The following MAP3K14 variants were observed in gnomAD, a reference collection of about 807,000 sequenced individuals.
MAP3K14 encodes mitogen-activated protein kinase kinase kinase 14.
In MAP3K14, 16 loss-of-function variants were observed where a neutral mutation model predicts 99.2. The ratio of observed to expected loss-of-function variants is 0.16; its 90% CI spans 0.11 to 0.24. The LOEUF is 0.24. Among genes scored for constraint, MAP3K14 ranks in the 10% least tolerant of loss-of-function variants. The pLI, the probability that MAP3K14 is intolerant of heterozygous loss-of-function variation, is 1.00. For missense variants in MAP3K14, 784 were observed against 1,208.7 expected (o/e 0.65, Z 5.21); for synonymous variants, 462 against 492.4 (o/e 0.94, Z 0.82).
Position 45,271,028 on chromosome 17 carries a change from C to T in MAP3K14, c.1821+30G>A, listed in dbSNP as rs529025769. The T allele has an allele frequency of 7.5e-6, 12 of 1,604,892 alleles. No homozygotes were observed. The African/African-American group carries it at 1.3e-4, about 18-fold the overall frequency. On this transcript the variant is annotated intron_variant, in intron 10 of 15. Transcript: ENST00000344686. Reference sequence around the variant, plus strand: ...GGGCCCCAGGGCCCTGCAGCTCCCCCTGTTGGCCATGCTGGGTGCCGTCAC... The same window carrying T: ...GGGCCCCAGGGCCCTGCAGCTCCCCTTGTTGGCCATGCTGGGTGCCGTCAC...
chr17:45,303,520 C>T (rs2044406678), intron 1 of MAP3K14, among the ~76,000 whole-genome samples: 1 of 152,128 alleles, frequency 6.6e-6, no homozygotes, highest in Non-Finnish European at 1.5e-5. Flanking sequence ...GAGATTGCAC[C>T]ACTGCACCCC....
intron 13 of MAP3K14, 149 bp downstream of exon 13, chr17:45,266,943 A>C (rs2044091059): frequency 2.9e-6 from 2 of 695,630 alleles, no homozygotes; most frequent in Non-Finnish European, 4.8e-6. Flanking sequence ...GACCCCCACC[A>C]GAAGGAAGGG....
chr17:45,283,708 T>A (rs1055566893), intron 6 of MAP3K14, among the ~76,000 whole-genome samples: 4 of 152,218 alleles, frequency 2.6e-5, no homozygotes, highest in Admixed American at 6.5e-5. Flanking sequence ...GGTTTTCAGA[T>A]TGCGGATGCT....
chr17:45,270,585 G>A, intron 10 of MAP3K14, 22 bp from the exon 11 acceptor site: 1 of 1,530,520 alleles, frequency 6.5e-7, no homozygotes, highest in Non-Finnish European at 8.8e-7. Flanking sequence ...AAGACAACAG[G>A]TGAGGCCTGC....
At chr17:45,309,788 T>C (rs1010609319) in intron 1 of MAP3K14, among the ~76,000 whole-genome samples, 2 of 152,176 alleles carry the variant, frequency 1.3e-5, no homozygotes, top group African/African-American at 4.8e-5. Context: ...CAATTACTTC[T>C]AATTGCTTGA....
chr17:45,275,500 AAAAAC>A, intron 6 of MAP3K14, among the ~76,000 whole-genome samples: 1 of 148,428 alleles, frequency 6.7e-6, no homozygotes, highest in South Asian at 2.1e-4. Context: ...AAAAACAAAA[AAAAAC>A]CCACAAAAAA....
At chr17:45,316,459 T>C (rs1325735517) in intron 1 of MAP3K14, among the ~76,000 whole-genome samples, 1 of 152,250 alleles carries the variant, frequency 6.6e-6, no homozygotes, top group Non-Finnish European at 1.5e-5. Context: ...CCCCGCTGCA[T>C]GCTGAGGACA....
At chr17:45,265,317 C>T in intron 14 of MAP3K14, 54 bp from the exon 15 acceptor site, 1 of 1,234,640 alleles carries the variant, frequency 8.1e-7, no homozygotes, top group Non-Finnish European at 1.2e-6. Flanking sequence ...TCCCCAAGGA[C>T]CAGGGTCCTG....
At chr17:45,294,559 G>A (rs1199332844) in intron 1 of MAP3K14, among the ~76,000 whole-genome samples, 2 of 152,222 alleles carry the variant, frequency 1.3e-5, no homozygotes, top group African/African-American at 4.8e-5. Context: ...GAAAATCAGG[G>A]CCGGGCTAAA....
chr17:45,284,564 G>C (rs1206443108), intron 6 of MAP3K14, among the ~76,000 whole-genome samples: 2 of 152,188 alleles, frequency 1.3e-5, no homozygotes, highest in African/African-American at 2.4e-5. Context: ...TTGAGACACC[G>C]AGGCCACGTG....
chr17:45,281,342 T>C (rs2044221477), intron 6 of MAP3K14, among the ~76,000 whole-genome samples: 1 of 150,538 alleles, frequency 6.6e-6, no homozygotes, highest in Non-Finnish European at 1.5e-5. Flanking sequence ...GCCTGATCTT[T>C]CTTTTTTTTT....
At chr17:45,266,271 C>A in intron 14 of MAP3K14, 1 of 390,476 alleles carries the variant, frequency 2.6e-6, no homozygotes. Context: ...GCTCTCCTCC[C>A]CAAGCTAGGG....
At chr17:45,265,107 G>A in intron 15 of MAP3K14, 56 bp downstream of exon 15, 2 of 1,373,932 alleles carry the variant, frequency 1.5e-6, no homozygotes, top group Non-Finnish European at 2.1e-6. Flanking sequence ...GGAGGGTGGG[G>A]CCAGCTGCAT....
intron 1 of MAP3K14, among the ~76,000 whole-genome samples, chr17:45,312,579 G>A (rs1166922429): frequency 1.3e-5 from 2 of 152,034 alleles, no homozygotes; most frequent in Non-Finnish European, 2.9e-5. Context: ...TAAAACAAAC[G>A]TTTTTCTTTC....
At chr17:45,302,195 C>T (rs1388066199) in intron 1 of MAP3K14, among the ~76,000 whole-genome samples, 1 of 151,792 alleles carries the variant, frequency 6.6e-6, no homozygotes, top group Non-Finnish European at 1.5e-5. Context: ...GAAGGGGTGC[C>T]ATTGAAAAGC....
chr17:45,301,478 G>A (rs1394666574), intron 1 of MAP3K14, among the ~76,000 whole-genome samples: 1 of 151,378 alleles, frequency 6.6e-6, no homozygotes, highest in African/African-American at 2.4e-5. Context: ...AAAAAAAAAA[G>A]TTCACAGTAT....
At chr17:45,274,014 G>C in intron 8 of MAP3K14, 109 bp downstream of exon 8, 1 of 1,308,204 alleles carries the variant, frequency 7.6e-7, no homozygotes, top group Non-Finnish European at 1.1e-6. Context: ...CCTGACTCAG[G>C]GCCTGCTACT....
rs55705822 is a variant in MAP3K14 at position 45,287,485 on chromosome 17, T to A, written c.327-121A>T. The A allele has an allele frequency of 1.4e-4, 108 of 758,856 alleles. No homozygotes were observed. The African/African-American group carries it at 1.7e-3, about 12-fold the overall frequency. 47.0% of individuals were successfully genotyped at this position (758,856 alleles called of 1,614,324 possible). On this transcript the variant is annotated intron_variant, in intron 3 of 15. Transcript: ENST00000344686. ...TCAAATCCCAGGTTGCCATTCCTTG[T>A]GTGAATGCGGCAAGGTTTCTAAATC...
chr17:45,267,293 G>A lies in MAP3K14; in HGVS notation c.2327-95C>T. 7.2e-7 allele frequency: 1 copy of A among 1,395,534 alleles called. No homozygotes were observed. Among genetic ancestry groups the A allele is most frequent in the Non-Finnish European group, 9.9e-7 (1 of 1,006,186 alleles). 86.4% of individuals were successfully genotyped at this position (1,395,534 alleles called of 1,614,324 possible). On this transcript the variant is annotated intron_variant, in intron 12 of 15. Transcript: ENST00000344686. The surrounding 1 kb of genome is among the most constrained non-coding windows in gnomAD (Gnocchi z 5.1). Reference sequence around the variant, plus strand: ...CTGCACAGTCGGTAGAAGCTGAGCTGCTGGGGAAGGGGCTGGAAGAAAGCC... The same window carrying A: ...CTGCACAGTCGGTAGAAGCTGAGCTACTGGGGAAGGGGCTGGAAGAAAGCC...
Sources: gnomAD v4.1 joint callset for allele counts (sites outside exome capture counted in the v4.1 genomes callset) on GRCh38, gnomAD v4.1.1 for gene constraint, Gnocchi (gnomAD v3.1) non-coding constraint, MANE v1.5 for transcripts, NCBI Gene and HGNC (gene_info 2026-07-23, HGNC 2026-07-21) for gene names.